Variants in MBD2 observed in about 807,000 individuals in gnomAD.
The protein encoded by MBD2 is methyl-CpG-binding domain protein 2.
MBD2 carries 9 observed loss-of-function variants against 39.3 expected under a neutral mutation model. The observed-to-expected ratio is 0.23, with a 90% CI of 0.14 to 0.40. The LOEUF (loss-of-function observed/expected upper bound fraction) is 0.40. Among genes scored for constraint, MBD2 ranks in the 10% least tolerant of loss-of-function variants. The pLI is 1.00. For missense variants in MBD2, 458 were observed against 532.6 expected (o/e 0.86, Z 1.38); for synonymous variants, 233 against 211.1 (o/e 1.10, Z -0.90).
At chr18:54,191,454 C>G (rs965252667) in intron 2 of MBD2, among the ~76,000 whole-genome samples, 1 of 152,110 alleles carries the variant, frequency 6.6e-6, no homozygotes, top group African/African-American at 2.4e-5. Flanking sequence ...ATATAAAATC[C>G]AGAATTCTAG....
intron 1 of MBD2, among the ~76,000 whole-genome samples, chr18:54,214,914 T>C (rs1292982417): frequency 6.6e-6 from 1 of 151,966 alleles, no homozygotes. Flanking sequence ...TAATTTTTTG[T>C]ATTTCTTAGT....
intron 1 of MBD2, among the ~76,000 whole-genome samples, chr18:54,219,622 C>CT (rs1385803606): frequency 6.6e-6 from 1 of 152,188 alleles, no homozygotes; most frequent in Non-Finnish European, 1.5e-5. Context: ...AGTCACATTG[C>CT]TTACCTGGGT....
Position 54,180,899 on chromosome 18 carries a change from TTTTC to T in MBD2, c.840+7971_840+7974del, listed in dbSNP as rs1281206824. Among the ~76,000 whole-genome samples the T allele has an allele frequency of 3.4e-4, 14 of 41,004 alleles. 1 individual carries two copies. Among genetic ancestry groups the T allele is most frequent in the African/African-American group, 2.2e-3 (9 of 4,138 alleles). 26.9% of individuals were successfully genotyped at this position (41,004 alleles called of 152,430 possible). The stretch of plus-strand genomic sequence containing the variant: ...GCCTATGTATTCCTTAATTTTTTCT[TTTTC>T]TTTTTTTTTTTTTTTTTTTTTTTGA... On this transcript the variant is annotated intron_variant, in intron 3 of 6. Coordinates refer to ENST00000256429, the MANE Select transcript of MBD2 (RefSeq NM_003927.5).
intron 1 of MBD2, among the ~76,000 whole-genome samples, chr18:54,219,399 A>T (rs2144354725): frequency 6.6e-6 from 1 of 152,324 alleles, no homozygotes; most frequent in South Asian, 2.1e-4. Flanking sequence ...CAATTGGTAA[A>T]CCCTTATTTA....
At chr18:54,190,576 G>C (rs953920832) in intron 2 of MBD2, among the ~76,000 whole-genome samples, 3 of 152,164 alleles carry the variant, frequency 2.0e-5, no homozygotes, top group African/African-American at 7.2e-5. Flanking sequence ...TGTGTGGAGA[G>C]CTCACGTTAA....
Position 54,188,879 on chromosome 18 carries a change from G to T in MBD2, c.835C>A (p.Arg279Ser). 1 of 1,606,936 alleles carries T rather than the reference G, an allele frequency of 6.2e-7. No individual in the cohort carries two copies. Among genetic ancestry groups the T allele is most frequent in the Non-Finnish European group, 8.5e-7 (1 of 1,175,608 alleles). Residue 279 changes from arginine (R) to serine (S), a missense_variant, in exon 3 of 7, where the codon CGT becomes AGT. By Grantham distance (110) the Arg-to-Ser change is moderately radical. Transcript: ENST00000256429. ...AGAACGAATTAGATCCTTACCTGAC[G>T]TGGCTGTTCATTCATTCGTTGTGGG... is the stretch of plus-strand genomic sequence containing the variant. ...SDPQRMNEQP[R>S]QLFWEKRLQG...
chr18:54,204,196 T>G (rs2144330069), intron 2 of MBD2, among the ~76,000 whole-genome samples: 1 of 152,272 alleles, frequency 6.6e-6, no homozygotes, highest in Non-Finnish European at 1.5e-5. Context: ...ACTGTCAGTG[T>G]GAAGACAATG....
intron 5 of MBD2, among the ~76,000 whole-genome samples, chr18:54,162,736 G>A (rs746643093): frequency 2.9e-4 from 44 of 152,160 alleles, no homozygotes; most frequent in Admixed American, 2.6e-4. Flanking sequence ...ACAATCCAAT[G>A]AGCAAGTTGA....
At chr18:54,163,464 G>A (rs2086110509) in intron 5 of MBD2, among the ~76,000 whole-genome samples, 1 of 152,036 alleles carries the variant, frequency 6.6e-6, no homozygotes, top group Non-Finnish European at 1.5e-5. Flanking sequence ...ATATAGTACA[G>A]TATCACTATA....
Position 54,194,493 on chromosome 18 carries a change from T to A in MBD2, c.703-5482A>T, listed in dbSNP as rs1347687748. On this transcript the variant is annotated intron_variant, in intron 2 of 6. Coordinates refer to ENST00000256429, the MANE Select transcript of MBD2 (RefSeq NM_003927.5). ...TTTATTATAATTATTAGTATATATGTGACCAAAATAAAGTATTACAATTTT... is the reference window on the plus strand; with the variant it reads ...TTTATTATAATTATTAGTATATATGAGACCAAAATAAAGTATTACAATTTT... 4.6e-5 allele frequency among the ~76,000 whole-genome samples: 7 copies of A among 152,092 alleles called. No homozygotes were observed. The East Asian group carries it at 1.2e-3, about 25-fold the overall frequency.
chr18:54,171,903 T>C (rs2086181875), intron 3 of MBD2, among the ~76,000 whole-genome samples: 1 of 152,230 alleles, frequency 6.6e-6, no homozygotes, highest in Non-Finnish European at 1.5e-5. Flanking sequence ...GAATTAAAAC[T>C]CAGGTCAGTG....
At chr18:54,173,543 G>A (rs2086192235) in intron 3 of MBD2, among the ~76,000 whole-genome samples, 1 of 152,224 alleles carries the variant, frequency 6.6e-6, no homozygotes, top group African/African-American at 2.4e-5. Flanking sequence ...AGGCTGGGAT[G>A]TAATCTCATC....
chr18:54,179,674 T>G (rs1371323478), intron 3 of MBD2, among the ~76,000 whole-genome samples: 1 of 152,292 alleles, frequency 6.6e-6, no homozygotes, highest in South Asian at 2.1e-4. Context: ...ATTGATAGAA[T>G]TTAATATCCA....
chr18:54,222,239 C>T (rs777393191), intron 1 of MBD2: 1 of 401,832 alleles, frequency 2.5e-6, no homozygotes, highest in African/African-American at 2.1e-5. Context: ...CTTGAGAAAA[C>T]TAATCTTTTT....
intron 6 of MBD2, among the ~76,000 whole-genome samples, chr18:54,157,239 A>G (rs1402836606): frequency 2.0e-5 from 3 of 152,046 alleles, no homozygotes; most frequent in African/African-American, 7.2e-5. Flanking sequence ...AAGAGCTAAA[A>G]CAGCACTGAA....
chr18:54,158,890 A>C (rs2086073776), intron 6 of MBD2, among the ~76,000 whole-genome samples: 1 of 152,208 alleles, frequency 6.6e-6, no homozygotes, highest in Non-Finnish European at 1.5e-5. Context: ...GGCATGCCAA[A>C]GCGCTGAGAT....
In MBD2 at chr18:54,154,159, T is replaced by C. The variant is rs1284437878; in HGVS notation, c.*1165A>G. 3 of 152,234 alleles carry C rather than the reference T, an allele frequency of 2.0e-5. No homozygotes were observed. The East Asian group carries it at 5.8e-4, about 29-fold the overall frequency. 9.4% of individuals were successfully genotyped at this position (152,234 alleles called of 1,614,324 possible). ...TCTCTCAAAATTTGTTTTCATTTGCTTATAACCACTCCCTCCCTTCCTTGG... is the reference window on the plus strand; with the variant it reads ...TCTCTCAAAATTTGTTTTCATTTGCCTATAACCACTCCCTCCCTTCCTTGG... On this transcript the variant is annotated 3_prime_UTR_variant, in exon 7 of 7. Transcript: ENST00000256429.
intron 1 of MBD2, among the ~76,000 whole-genome samples, chr18:54,207,356 G>A (rs969478522): frequency 5.9e-5 from 9 of 152,238 alleles, no homozygotes; most frequent in South Asian, 2.1e-4. Flanking sequence ...GAAGTCTTCT[G>A]GGATTCTTCA....
rs1282662407 is a variant in MBD2 at position 54,203,035 on chromosome 18, C to T, written c.702+1963G>A. 3 of 1,285,172 alleles carry T rather than the reference C, an allele frequency of 2.3e-6. No homozygotes were observed. In the Admixed American group the frequency reaches 5.0e-5, roughly 22 times the overall value. 79.6% of individuals were successfully genotyped at this position (1,285,172 alleles called of 1,614,324 possible). A position where few individuals can be genotyped will look rare whatever the true frequency, so the allele number is the denominator to read the frequency against. On this transcript the variant is annotated intron_variant, in intron 2 of 6. Transcript: ENST00000256429. ...GTAAGCACATTCCAAGCAGAGCAAA[C>T]AGCGTATGAGCAAGCAGAGTCTTGA...
Sources: gnomAD v4.1 joint callset for allele counts (sites outside exome capture counted in the v4.1 genomes callset) on GRCh38, gnomAD v4.1.1 for gene constraint, MANE v1.5 for transcripts, NCBI Gene and HGNC (gene_info 2026-07-23, HGNC 2026-07-21) for gene names.